Variants in IGFBP6 observed in about 807,000 individuals in gnomAD.
IGFBP6 encodes the protein insulin like growth factor binding protein 6, also known as insulin-like growth factor-binding protein 6.
IGFBP6 carries 24 observed loss-of-function variants against 24.5 expected under a neutral mutation model. That is an observed-to-expected ratio of 0.98 (90% CI 0.71 to 1.38). The LOEUF (loss-of-function observed/expected upper bound fraction) is 1.38, where lower values mean the gene tolerates loss of function less well. Among genes scored for constraint, IGFBP6 ranks in the 40% most tolerant of loss-of-function variants. The pLI is 0.00. For synonymous variants in IGFBP6, 147 were observed against 137.4 expected, an observed-to-expected ratio of 1.07 and a Z score of -0.49; for missense variants, 331 against 324.8, an observed-to-expected ratio of 1.02 and a Z score of -0.15.
intron 3 of IGFBP6, 72 bp downstream of exon 3, chr12:53,101,232 C>A (rs1937824206): frequency 2.0e-6 from 3 of 1,494,312 alleles, no homozygotes; most frequent in Admixed American, 1.8e-5. Context: ...GTGCTGCTTA[C>A]AAAGCTGCAT....
chr12:53,097,830 C>A lies in IGFBP6; in HGVS notation c.113C>A (p.Ala38Glu), dbSNP rs1215690102. 1 of 1,537,274 alleles carries A rather than the reference C, an allele frequency of 6.5e-7. No individual in the cohort carries two copies. Among genetic ancestry groups the A allele is most frequent in the Non-Finnish European group, 8.7e-7 (1 of 1,143,914 alleles). Residue 38 changes from alanine (A) to glutamate (E), a missense_variant, in exon 1 of 4, where the codon GCG becomes GAG. Physicochemically the swap from Ala to Glu is moderately radical, Grantham distance 107 (BLOSUM62 -1). Transcript: ENST00000301464. Reference protein sequence around the residue: ...RCPGCGQGVQAGCPGGCVEEE... With the variant: ...RCPGCGQGVQEGCPGGCVEEE... ...CCAGGCTGCGGGCAAGGGGTGCAGG[C>A]GGGTTGTCCAGGGGGCTGCGTGGAG...
Position 53,098,290 on chromosome 12 carries a change from A to G in IGFBP6, c.334+239A>G, listed in dbSNP as rs762324151. On this transcript the variant is annotated intron_variant, in intron 1 of 3. Coordinates refer to ENST00000301464, the MANE Select transcript of IGFBP6 (RefSeq NM_002178.3). ...CGCTCTCGGCCTTCTTTTTTGCTCCATTTATTTTCCCTTGATGGAGTGTGC... is the reference window on the plus strand; with the variant it reads ...CGCTCTCGGCCTTCTTTTTTGCTCCGTTTATTTTCCCTTGATGGAGTGTGC... 3.3e-5 allele frequency among the ~76,000 whole-genome samples: 5 copies of G among 152,200 alleles called. No homozygotes were observed. The East Asian group carries it at 9.7e-4, about 29-fold the overall frequency.
In IGFBP6 at chr12:53,097,963, G is replaced by A. The variant is rs1937768576; in HGVS notation, c.246G>A (p.Leu82=). 5 of 1,516,506 alleles carry A rather than the reference G, an allele frequency of 3.3e-6. No homozygotes were observed. The highest frequency in any genetic ancestry group is 4.4e-6 in the Non-Finnish European group (5 of 1,137,658). 93.9% of individuals were successfully genotyped at this position (1,516,506 alleles called of 1,614,324 possible). The part of the protein sequence containing the change: ...GVYTPNCAPG[L]QCHPPKDDEA... ...ACACCCCTAACTGCGCCCCAGGACT[G>A]CAGTGCCATCCGCCCAAGGACGACG... is the stretch of plus-strand genomic sequence containing the variant. The change falls in exon 1 of 4, where the codon CTG becomes CTA. Residue 82 remains leucine, a synonymous_variant. Transcript: ENST00000301464.
intron 3 of IGFBP6, 146 bp from the exon 4 acceptor site, chr12:53,101,898 CA>C (rs57771658): frequency 0.1 from 19,713 of 198,050 alleles, no homozygotes; most frequent in South Asian, 0.13. Flanking sequence ...GACTCCATCT[CA>C]AAAAAAAAAA....
chr12:53,099,372 A>G (rs1009783246), intron 1 of IGFBP6: 5 of 454,060 alleles, frequency 1.1e-5, no homozygotes, highest in African/African-American at 4.0e-5. Flanking sequence ...CCCTCAGCCT[A>G]TCTTGGTTAA....
intron 3 of IGFBP6, 111 bp downstream of exon 3, chr12:53,101,271 T>C: frequency 9.2e-7 from 1 of 1,084,242 alleles, no homozygotes; most frequent in South Asian, 1.5e-5. Context: ...TCTTTAAGGA[T>C]CTTCCAACTT....
rs72547252 is a variant in IGFBP6, at chr12:53,100,922, C to T, written c.480+65C>T. 1,661 of 1,607,928 alleles carry T rather than the reference C, an allele frequency of 1.0e-3. 3 individuals are homozygous for T. Among genetic ancestry groups the T allele is most frequent in the Non-Finnish European group, 1.3e-3 (1,583 of 1,175,904 alleles). On this transcript the variant is annotated intron_variant, in intron 2 of 3. Transcript: ENST00000301464. Reference sequence around the variant, plus strand: ...CCCTGGAGACTTCCATCTGAGACTGCTCCCTTGGGCTTGGAGACGTCTCCA... The same window carrying T: ...CCCTGGAGACTTCCATCTGAGACTGTTCCCTTGGGCTTGGAGACGTCTCCA...
At chr12:53,098,794 G>C (rs1937782867) in intron 1 of IGFBP6, 1 of 152,710 alleles carries the variant, frequency 6.5e-6, no homozygotes, top group Non-Finnish European at 1.5e-5. Context: ...AAGTGAATCA[G>C]CCGTGAAAAC....
Position 53,102,142 on chromosome 12 carries a change from C to T in IGFBP6, c.698C>T (p.Ser233Phe), listed in dbSNP as rs1328928333. ...TCTCCAGATGGCAATGGAAGCTCCT[C>T]CTGCCCCACTGGGAGTAGCGGCTAA... ...PGSPDGNGSS[S>F]CPTGSSG The change falls in exon 4 of 4, where the codon TCC (serine) becomes TTC (phenylalanine). Residue 233 changes from serine (S) to phenylalanine (F), a missense_variant. Coordinates refer to ENST00000301464, the MANE Select transcript of IGFBP6 (RefSeq NM_002178.3). The T allele has an allele frequency of 1.2e-6, 2 of 1,613,890 alleles. No homozygotes were observed. The highest frequency in any genetic ancestry group is 3.3e-5 in the Admixed American group (2 of 59,990).
chr12:53,101,240 C>A, intron 3 of IGFBP6, 80 bp downstream of exon 3: 2 of 1,444,326 alleles, frequency 1.4e-6, no homozygotes, highest in Non-Finnish European at 1.9e-6. Context: ...TACAAAGCTG[C>A]ATAAATAAGA....
intron 1 of IGFBP6, 44 bp from the exon 2 acceptor site, chr12:53,100,668 C>T (rs753089552): frequency 1.1e-5 from 18 of 1,609,086 alleles, no homozygotes; most frequent in Admixed American, 3.3e-5. Flanking sequence ...CTCCACATGG[C>T]TCTGCCTGAT....
At chr12:53,099,796 G>C (rs534609582) in intron 1 of IGFBP6, among the ~76,000 whole-genome samples, 45 of 150,766 alleles carry the variant, frequency 3.0e-4, no homozygotes, top group African/African-American at 9.7e-4. Context: ...TTAAAATTAA[G>C]TAATTAATTA....
intron 3 of IGFBP6, among the ~76,000 whole-genome samples, chr12:53,101,558 G>A (rs558110241): frequency 1.8e-4 from 28 of 152,096 alleles, no homozygotes; most frequent in South Asian, 1.0e-3. Flanking sequence ...ACTGTTCCAG[G>A]CTAGCAGAAT....
intron 3 of IGFBP6, 141 bp from the exon 4 acceptor site, chr12:53,101,898 CAAAAAA>C (rs57771658): frequency 1.1e-3 from 217 of 199,166 alleles, no homozygotes; most frequent in Non-Finnish European, 1.2e-3. Context: ...GACTCCATCT[CAAAAAA>C]AAAAAAAAAA....
Position 53,102,241 on chromosome 12 carries a change from C to T in IGFBP6, c.*74C>T. The T allele has an allele frequency of 6.4e-7, 1 of 1,560,082 alleles. No homozygotes were observed. The highest frequency in any genetic ancestry group is 2.3e-5 in the East Asian group (1 of 43,920). The stretch of plus-strand genomic sequence containing the variant: ...GTCATCACTCAACAAAAAACCGAGG[C>T]CCTCAATCCACCTTCAGGCCCCGCC... On this transcript the variant is annotated 3_prime_UTR_variant, in exon 4 of 4. Transcript: ENST00000301464.
chr12:53,100,920 T>G, intron 2 of IGFBP6, 63 bp downstream of exon 2: 4 of 1,608,714 alleles, frequency 2.5e-6, no homozygotes, highest in Non-Finnish European at 3.4e-6. Context: ...CATCTGAGAC[T>G]GCTCCCTTGG....
At chr12:53,101,276 C>A in intron 3 of IGFBP6, 116 bp downstream of exon 3, 2 of 1,014,088 alleles carry the variant, frequency 2.0e-6, no homozygotes, top group Non-Finnish European at 2.9e-6. Context: ...AAGGATCTTC[C>A]AACTTTAGGA....
chr12:53,100,077 C>T (rs1937803312), intron 1 of IGFBP6, among the ~76,000 whole-genome samples: 1 of 152,132 alleles, frequency 6.6e-6, no homozygotes, highest in South Asian at 2.1e-4. Flanking sequence ...CCAGGCTGGT[C>T]TCGAACGCCT....
At chr12:53,100,284 C>G (rs1390301244) in intron 1 of IGFBP6, among the ~76,000 whole-genome samples, 1 of 152,134 alleles carries the variant, frequency 6.6e-6, no homozygotes, top group Non-Finnish European at 1.5e-5. Context: ...CTCAGCCTCT[C>G]AAGTAGCTGG....
Sources: gnomAD v4.1 joint callset for allele counts (sites outside exome capture counted in the v4.1 genomes callset) on GRCh38, gnomAD v4.1.1 for gene constraint, MANE v1.5 for transcripts, NCBI Gene and HGNC (gene_info 2026-07-23, HGNC 2026-07-21) for gene names.